Variants in VTI1A observed in about 807,000 individuals in gnomAD.
VTI1A encodes vesicle transport through interaction with t-SNAREs homolog 1A.
VTI1A carries 22 observed loss-of-function variants against 34.9 expected under a neutral mutation model. The observed-to-expected ratio is 0.63, with a 90% CI of 0.45 to 0.90. The LOEUF is 0.90. Among genes scored for constraint, VTI1A ranks in the 40% least tolerant of loss-of-function variants. The pLI is 0.00. For synonymous variants in VTI1A, 87 were observed against 97.3 expected (o/e 0.89, Z 0.62); for missense variants, 268 against 275.6 (o/e 0.97, Z 0.20).
chr10:112,658,244 CG>C (rs1227734470), intron 5 of VTI1A, among the ~76,000 whole-genome samples: 1 of 152,026 alleles, frequency 6.6e-6, no homozygotes, highest in Non-Finnish European at 1.5e-5. Context: ...TGCCCCACCA[CG>C]CCCAGCTAAT....
intron 5 of VTI1A, among the ~76,000 whole-genome samples, chr10:112,544,064 C>A (rs142228241): frequency 6.6e-6 from 1 of 152,126 alleles, no homozygotes. Context: ...CAGTACCATG[C>A]TGTTTTGGTT....
chr10:112,631,811 T>A (rs1279535762), intron 5 of VTI1A, among the ~76,000 whole-genome samples: 1 of 152,170 alleles, frequency 6.6e-6, no homozygotes, highest in Non-Finnish European at 1.5e-5. Context: ...CTGTGTCTTG[T>A]TTGTCGTGAC....
intron 5 of VTI1A, among the ~76,000 whole-genome samples, chr10:112,575,403 A>G (rs1362971750): frequency 6.6e-6 from 1 of 152,152 alleles, no homozygotes; most frequent in Non-Finnish European, 1.5e-5. Context: ...GGTTTTCTTC[A>G]TGTGTGTTTA....
intron 5 of VTI1A, among the ~76,000 whole-genome samples, chr10:112,572,506 A>G (rs919194921): frequency 1.3e-5 from 2 of 152,234 alleles, no homozygotes; most frequent in Non-Finnish European, 2.9e-5. Flanking sequence ...TAAACAATCA[A>G]AAATGGCTGT....
At chr10:112,737,250 T>C (rs1353647364) in intron 7 of VTI1A, 26 of 171,042 alleles carry the variant, frequency 1.5e-4, no homozygotes, top group Admixed American at 9.4e-5. Context: ...TTTGTATTTC[T>C]TTTTTTTTTT....
At chr10:112,604,344 C>T (rs556674682) in intron 5 of VTI1A, among the ~76,000 whole-genome samples, 1 of 152,176 alleles carries the variant, frequency 6.6e-6, no homozygotes, top group East Asian at 1.9e-4. Flanking sequence ...AGAGTTACAA[C>T]ACCTAACACA....
intron 5 of VTI1A, among the ~76,000 whole-genome samples, chr10:112,616,474 C>A (rs996292700): frequency 6.6e-6 from 1 of 151,990 alleles, no homozygotes; most frequent in African/African-American, 2.4e-5. Flanking sequence ...GGAAAGCATC[C>A]CTAAATTAGG....
intron 5 of VTI1A, among the ~76,000 whole-genome samples, chr10:112,579,122 C>T (rs776651005): frequency 2.0e-5 from 3 of 152,260 alleles, no homozygotes; most frequent in African/African-American, 2.4e-5. Flanking sequence ...TAAGAGATGC[C>T]GTATCCCAGT....
intron 4 of VTI1A, among the ~76,000 whole-genome samples, chr10:112,529,398 TGA>T (rs1474222440): frequency 6.6e-6 from 1 of 152,130 alleles, no homozygotes. Flanking sequence ...TATGGTCACT[TGA>T]GAATAACTTT....
intron 3 of VTI1A, among the ~76,000 whole-genome samples, chr10:112,466,614 C>T (rs1186056532): frequency 2.6e-5 from 4 of 152,044 alleles, no homozygotes; most frequent in African/African-American, 9.7e-5. Context: ...AAAATTCTAC[C>T]TGAAGTTAAA....
chr10:112,848,978 T>C, the VTI1A span, among the ~76,000 whole-genome samples: 2 of 152,210 alleles, frequency 1.3e-5, no homozygotes, highest in East Asian at 1.9e-4. Flanking sequence ...AAGCCAACTT[T>C]CTACATGCAG....
At chr10:112,627,167 T>C (rs1386776156) in intron 5 of VTI1A, among the ~76,000 whole-genome samples, 1 of 152,234 alleles carries the variant, frequency 6.6e-6, no homozygotes, top group Non-Finnish European at 1.5e-5. Context: ...AAATTCCTCC[T>C]ACCCAACCCT....
chr10:112,833,926 C>T, the VTI1A span, among the ~76,000 whole-genome samples: 18 of 152,338 alleles, frequency 1.2e-4, no homozygotes, highest in East Asian at 3.9e-4. Flanking sequence ...TGAGCCACTT[C>T]GGAGCTCAGG....
At chr10:112,729,181 ATAAT>A (rs779540268) in intron 7 of VTI1A, among the ~76,000 whole-genome samples, 3 of 152,212 alleles carry the variant, frequency 2.0e-5, no homozygotes, top group Non-Finnish European at 4.4e-5. Flanking sequence ...CTGAAAGGTA[ATAAT>A]TAATGAAAAA....
chr10:112,484,227 C>G (rs907874723), intron 3 of VTI1A, among the ~76,000 whole-genome samples: 4 of 152,190 alleles, frequency 2.6e-5, no homozygotes, highest in Admixed American at 2.0e-4. Context: ...TCAGCTTCTT[C>G]GACTCTAAGA....
rs576764671 is a variant in VTI1A at position 112,709,997 on chromosome 10, C to T, written c.560+40999C>T. Among the ~76,000 whole-genome samples the T allele has an allele frequency of 2.1e-5, 3 of 144,184 alleles. No homozygotes were observed. In the South Asian group the frequency reaches 7.2e-4, roughly 35 times the overall value. 94.6% of individuals were successfully genotyped at this position (144,184 alleles called of 152,430 possible). The stretch of plus-strand genomic sequence containing the variant: ...ATTGTACTGCTCTTGTTGGACAGAT[C>T]TAGTATGCCTTAAGTTTCAGCTGTT... On this transcript the variant is annotated intron_variant, in intron 7 of 7. Transcript: ENST00000393077.
At chr10:112,821,079 C>G (rs1233034163), downstream of VTI1A, among the ~76,000 whole-genome samples, 1 of 152,208 alleles carries the variant, frequency 6.6e-6, no homozygotes, top group Non-Finnish European at 1.5e-5. Flanking sequence ...CGGAATCGCT[C>G]GTTACTCGTG....
chr10:112,851,626 A>G, the VTI1A span, among the ~76,000 whole-genome samples: 4 of 152,328 alleles, frequency 2.6e-5, no homozygotes, highest in East Asian at 7.7e-4. Flanking sequence ...CCCAGGAAAA[A>G]GAAACCAGAA....
chr10:112,815,137 G>GCACACACACACACA (rs553734279), intron 7 of VTI1A, among the ~76,000 whole-genome samples, 153 bp from the exon 8 acceptor site: 3 of 77,476 alleles, frequency 3.9e-5, no homozygotes, highest in African/African-American at 1.3e-4. Context: ...TCTTTCGCGC[G>GCACACACACACACA]CGCACACACA....
Sources: gnomAD v4.1 joint callset for allele counts (sites outside exome capture counted in the v4.1 genomes callset) on GRCh38, gnomAD v4.1.1 for gene constraint, MANE v1.5 for transcripts, NCBI Gene and HGNC (gene_info 2026-07-23, HGNC 2026-07-21) for gene names.